NKAIN3: variants seen among roughly 807,000 people sequenced by gnomAD.
NKAIN3 encodes sodium/potassium transporting ATPase interacting 3.
NKAIN3 carries 25 observed loss-of-function variants against 30.2 expected under a neutral mutation model. The ratio of observed to expected loss-of-function variants is 0.83; its 90% CI spans 0.60 to 1.16. The LOEUF is 1.16. NKAIN3 is among the 50% of genes most tolerant of loss of function. NKAIN3 has a pLI of 0.00. For missense variants in NKAIN3, 225 were observed against 254.1 expected, an observed-to-expected ratio of 0.89 and a Z score of 0.78; for synonymous variants, 91 against 89.6, an observed-to-expected ratio of 1.02 and a Z score of -0.09.
At chr8:62,876,053 G>A (rs1321911129) in intron 4 of NKAIN3, among the ~76,000 whole-genome samples, 4 of 152,114 alleles carry the variant, frequency 2.6e-5, no homozygotes, top group Admixed American at 6.5e-5. Flanking sequence ...CTACAGATTG[G>A]GAGAAAATTT....
chr8:62,890,472 C>T (rs186617225), intron 4 of NKAIN3, among the ~76,000 whole-genome samples: 13 of 152,330 alleles, frequency 8.5e-5, no homozygotes. Context: ...TTTCAACTAA[C>T]TTATGTTTCA....
At chr8:62,765,573 A>G (rs1816811895) in intron 4 of NKAIN3, among the ~76,000 whole-genome samples, 1 of 152,202 alleles carries the variant, frequency 6.6e-6, no homozygotes, top group African/African-American at 2.4e-5. Context: ...TATAGGAGCT[A>G]GGGTATAAGA....
intron 3 of NKAIN3, among the ~76,000 whole-genome samples, chr8:62,733,565 CTTCTT>C (rs1383072779): frequency 1.3e-5 from 2 of 152,062 alleles, no homozygotes; most frequent in Non-Finnish European, 2.9e-5. Context: ...GTTTTAATAA[CTTCTT>C]TTTTTTAATT....
Position 62,961,749 on chromosome 8 carries a change from CA to C in NKAIN3, c.604-3604del, listed in dbSNP as rs141476448. Among the ~76,000 whole-genome samples, 493 of 152,142 alleles carry C rather than the reference CA, an allele frequency of 3.2e-3. 3 individuals are homozygous for C. The highest frequency in any genetic ancestry group is 0.011 in the African/African-American group (477 of 41,502). ...TGAACTCTTCAGAAATCAGTACTAA[CA>C]GACTCACATTACAAGGGAAGTGAAA... On this transcript the variant is annotated intron_variant, in intron 6 of 6. Coordinates refer to ENST00000623646, the MANE Select transcript of NKAIN3 (RefSeq NM_001304533.3).
intron 1 of NKAIN3, among the ~76,000 whole-genome samples, chr8:62,271,128 G>C (rs1005268789): frequency 6.6e-6 from 1 of 152,122 alleles, no homozygotes; most frequent in African/African-American, 2.4e-5. Flanking sequence ...ATAATATAGA[G>C]AGTCAAAGAC....
At chr8:62,764,157 T>G (rs1268257924) in intron 4 of NKAIN3, among the ~76,000 whole-genome samples, 1 of 152,214 alleles carries the variant, frequency 6.6e-6, no homozygotes, top group Non-Finnish European at 1.5e-5. Flanking sequence ...CAAGAGGAAC[T>G]TTAAAATGGC....
intron 3 of NKAIN3, among the ~76,000 whole-genome samples, chr8:62,597,424 A>G (rs1810867062): frequency 6.6e-6 from 1 of 152,002 alleles, no homozygotes; most frequent in South Asian, 2.1e-4. Context: ...TAATTTTTTT[A>G]TTTCTTCAAA....
At chr8:62,796,559 A>T (rs758489649) in intron 4 of NKAIN3, among the ~76,000 whole-genome samples, 3 of 152,122 alleles carry the variant, frequency 2.0e-5, no homozygotes, top group Non-Finnish European at 4.4e-5. Flanking sequence ...CCTCACATGT[A>T]GGCCATTGAT....
At chr8:62,856,966 A>G in intron 4 of NKAIN3, 2 of 544,672 alleles carry the variant, frequency 3.7e-6, no homozygotes, top group Non-Finnish European at 7.1e-6. Context: ...ATCAACAAAA[A>G]AAAAACAAAC....
chr8:62,356,719 T>A (rs918238478), intron 1 of NKAIN3, among the ~76,000 whole-genome samples: 9 of 152,142 alleles, frequency 5.9e-5, no homozygotes, highest in Non-Finnish European at 1.3e-4. Flanking sequence ...TCAAATTGTG[T>A]CACTCTTAAA....
chr8:62,538,840 T>C (rs577637364), intron 1 of NKAIN3, among the ~76,000 whole-genome samples: 2 of 152,354 alleles, frequency 1.3e-5, no homozygotes, highest in African/African-American at 2.4e-5. Context: ...TTTTGAGAAA[T>C]TGAACATATG....
At chr8:62,926,641 G>T (rs1308547344) in intron 5 of NKAIN3, among the ~76,000 whole-genome samples, 1 of 152,118 alleles carries the variant, frequency 6.6e-6, no homozygotes, top group Non-Finnish European at 1.5e-5. Context: ...GAATAATTGA[G>T]GCCCAAAGAG....
intron 3 of NKAIN3, among the ~76,000 whole-genome samples, chr8:62,628,423 A>G (rs1811854370): frequency 6.6e-6 from 1 of 152,156 alleles, no homozygotes; most frequent in Non-Finnish European, 1.5e-5. Context: ...CATCACCTGT[A>G]TTTGAAAATA....
chr8:62,357,542 CTT>C (rs1169898245), intron 1 of NKAIN3, among the ~76,000 whole-genome samples: 3 of 152,146 alleles, frequency 2.0e-5, no homozygotes, highest in Non-Finnish European at 4.4e-5. Context: ...AAAGGCATCT[CTT>C]TGTTTCCCCA....
intron 5 of NKAIN3, among the ~76,000 whole-genome samples, chr8:62,945,357 T>C (rs1004637520): frequency 6.6e-6 from 1 of 152,224 alleles, no homozygotes; most frequent in Non-Finnish European, 1.5e-5. Context: ...ATGAGGTTCT[T>C]CTTCAATTGT....
At chr8:62,374,113 CAAAAAAAAA>C (rs66521184) in intron 1 of NKAIN3, among the ~76,000 whole-genome samples, 1 of 64,332 alleles carries the variant, frequency 1.6e-5, no homozygotes, top group African/African-American at 7.0e-5. Flanking sequence ...ACTCCATCTC[CAAAAAAAAA>C]AAAAAAAAAA....
intron 5 of NKAIN3, among the ~76,000 whole-genome samples, chr8:62,919,023 A>T (rs1822192334): frequency 6.6e-6 from 1 of 151,902 alleles, no homozygotes; most frequent in African/African-American, 2.4e-5. Flanking sequence ...GCTAAAAAAA[A>T]GTTAATGGGA....
chr8:62,499,057 G>A (rs1807332628), intron 1 of NKAIN3, among the ~76,000 whole-genome samples: 1 of 152,114 alleles, frequency 6.6e-6, no homozygotes, highest in African/African-American at 2.4e-5. Context: ...ATTCTTTGAT[G>A]CTGTGAGGAG....
intron 1 of NKAIN3, among the ~76,000 whole-genome samples, chr8:62,322,622 A>G (rs1814973460): frequency 6.6e-6 from 1 of 152,222 alleles, no homozygotes; most frequent in Non-Finnish European, 1.5e-5. Flanking sequence ...AAACCATGTT[A>G]AATGGGCATC....
Sources: allele counts gnomAD v4.1 joint callset (sites outside exome capture counted in the v4.1 genomes callset), GRCh38; gene constraint gnomAD v4.1.1; transcripts MANE v1.5; gene names NCBI Gene and HGNC (gene_info 2026-07-23, HGNC 2026-07-21).